Variants in ADGRL3 observed in about 807,000 individuals in gnomAD.
The protein encoded by ADGRL3 is calcium-independent alpha-latrotoxin receptor 3.
Under a neutral mutation model 153.5 loss-of-function variants are expected in ADGRL3, and 62 were observed. The ratio of observed to expected loss-of-function variants is 0.40; its 90% confidence interval spans 0.33 to 0.50. ADGRL3 has a LOEUF of 0.50. Ranked by LOEUF, ADGRL3 falls within the 20% of genes least tolerant of loss-of-function variation. The probability of loss-of-function intolerance (pLI) is 0.47; values close to 1 mark genes in which losing one functional copy is unlikely to be tolerated. For missense variants in ADGRL3, 1,641 were observed against 1,859.4 expected (o/e 0.88, Z 2.16); for synonymous variants, 710 against 672.5 (o/e 1.06, Z -0.86).
At chr4:61,851,667 T>G (rs1581146801) in intron 9 of ADGRL3, among the ~76,000 whole-genome samples, 2 of 151,926 alleles carry the variant, frequency 1.3e-5, no homozygotes, top group South Asian at 2.1e-4. Context: ...GGACAATTAC[T>G]GACGAACAAC....
intron 1 of ADGRL3, among the ~76,000 whole-genome samples, chr4:61,382,458 G>A (rs2096681306): frequency 6.6e-6 from 1 of 151,384 alleles, no homozygotes; most frequent in African/African-American, 2.4e-5. Context: ...ACTATTTTCT[G>A]GGTGTAAAAA....
chr4:61,733,056 T>A lies in ADGRL3; in HGVS notation c.901T>A (p.Leu301Met). ...CACCAGGAACATAGTAAAGTTTGATTTGCGGACTAGGATAAAGAGTGGAGA... is the reference window on the plus strand; with the variant it reads ...CACCAGGAACATAGTAAAGTTTGATATGCGGACTAGGATAAAGAGTGGAGA... ...ERTRNIVKFD[L>M]RTRIKSGEAI... The change falls in exon 8 of 27, where the codon TTG becomes ATG. Residue 301 changes from leucine to methionine, a missense_variant. By Grantham distance (15) the Leu-to-Met change is conservative. Around this residue, in one of 5 missense-constraint regions of ADGRL3, gnomAD observed 213 missense variants for 362.1 expected, o/e 0.59. Transcript: ENST00000683033. 2.5e-6 allele frequency: 4 copies of A among 1,613,656 alleles called. No homozygotes were observed. The highest frequency in any genetic ancestry group is 3.4e-6 in the Non-Finnish European group (4 of 1,179,802).
At chr4:61,230,753 A>G (rs753212658) in intron 1 of ADGRL3, among the ~76,000 whole-genome samples, 52 of 152,216 alleles carry the variant, frequency 3.4e-4, no homozygotes, top group Middle Eastern at 3.2e-3. Flanking sequence ...TGAGTTTTAT[A>G]GTAGTATAAC....
At chr4:61,400,543 T>A (rs1182996198) in intron 2 of ADGRL3, among the ~76,000 whole-genome samples, 1 of 151,870 alleles carries the variant, frequency 6.6e-6, no homozygotes, top group African/African-American at 2.4e-5. Flanking sequence ...TAACTGGCAA[T>A]GTGAGGCTAT....
intron 6 of ADGRL3, among the ~76,000 whole-genome samples, chr4:61,713,472 G>A (rs540294853): frequency 1.3e-4 from 19 of 151,708 alleles, no homozygotes; most frequent in Non-Finnish European, 2.2e-4. Context: ...TAAATTAATC[G>A]CCCTTGATCT....
chr4:62,014,536 C>T (rs1220518650), intron 21 of ADGRL3, among the ~76,000 whole-genome samples: 1 of 152,134 alleles, frequency 6.6e-6, no homozygotes, highest in Non-Finnish European at 1.5e-5. Flanking sequence ...TTACTATATT[C>T]ATGCAGTCAC....
At chr4:61,847,193 T>C (rs1440945733) in intron 9 of ADGRL3, among the ~76,000 whole-genome samples, 1 of 152,020 alleles carries the variant, frequency 6.6e-6, no homozygotes, top group Non-Finnish European at 1.5e-5. Context: ...TTAATAGCAC[T>C]ACAGTAAGTA....
chr4:61,917,345 A>G (rs2098749450), intron 13 of ADGRL3, among the ~76,000 whole-genome samples: 2 of 152,234 alleles, frequency 1.3e-5, no homozygotes, highest in South Asian at 2.1e-4. Flanking sequence ...ATTTTTTTCA[A>G]TCTCTTTTTT....
intron 1 of ADGRL3, among the ~76,000 whole-genome samples, chr4:61,267,813 G>A (rs1319078042): frequency 7.6e-6 from 1 of 131,318 alleles, no homozygotes; most frequent in Non-Finnish European, 1.6e-5. Context: ...TTAGGGTATG[G>A]AGAGTTTTAG....
In ADGRL3 at chr4:61,750,810, A is replaced by AAAAAAAAAAAAAAG. The variant is rs746270309; in HGVS notation, c.1399+17258_1399+17259insAAAAAAAAAAAGAA. Among the ~76,000 whole-genome samples, 18 of 147,152 alleles carry AAAAAAAAAAAAAAG rather than the reference A, an allele frequency of 1.2e-4. 1 individual carries two copies. Among genetic ancestry groups the AAAAAAAAAAAAAAG allele is most frequent in the African/African-American group, 4.0e-4 (15 of 37,720 alleles). On this transcript the variant is annotated intron_variant, in intron 8 of 26. Transcript: ENST00000683033. ...GTCTCAAAAAAGAAAAAAAAAAAAA[A>AAAAAAAAAAAAAAG]AAGTCAAAGCAGATAAGCTAAAGGA...
intron 13 of ADGRL3, 31 bp downstream of exon 13, chr4:61,912,788 G>A (rs374164420): frequency 1.1e-5 from 18 of 1,593,928 alleles, no homozygotes; most frequent in Non-Finnish European, 1.2e-5. Flanking sequence ...AATGTGTTAA[G>A]TTGTTGAATG....
At position 61,960,214 on chromosome 4, in the gene ADGRL3, G is replaced by A. The variant is rs114196960; in HGVS notation, c.2805+11938G>A. Among the ~76,000 whole-genome samples the A allele has an allele frequency of 9.9e-3, 1,509 of 152,138 alleles. 21 individuals carry two copies. Among genetic ancestry groups the A allele is most frequent in the African/African-American group, 0.034 (1,410 of 41,500 alleles). ...TATTCAAATTTGAAATTATGTATTT[G>A]CTAGTATGCTGTTTTATTGTTTACT... On this transcript the variant is annotated intron_variant, in intron 17 of 26. Transcript: ENST00000683033.
intron 6 of ADGRL3, among the ~76,000 whole-genome samples, chr4:61,686,327 T>G (rs1355305489): frequency 6.6e-6 from 1 of 152,096 alleles, no homozygotes; most frequent in Non-Finnish European, 1.5e-5. Flanking sequence ...TTGTGTGAGA[T>G]CTATGAAGTA....
At chr4:62,037,547 T>A (rs765113055) in intron 23 of ADGRL3, among the ~76,000 whole-genome samples, 184 bp from the exon 24 acceptor site, 6 of 152,150 alleles carry the variant, frequency 3.9e-5, no homozygotes, top group Non-Finnish European at 8.8e-5. Context: ...AGGCAAAATT[T>A]CAAGCTTGAC....
intron 1 of ADGRL3, among the ~76,000 whole-genome samples, chr4:61,327,701 A>G (rs984071583): frequency 2.0e-5 from 3 of 152,046 alleles, no homozygotes; most frequent in African/African-American, 7.2e-5. Flanking sequence ...TAATACAAAT[A>G]AAGAGATTGA....
intron 8 of ADGRL3, among the ~76,000 whole-genome samples, chr4:61,744,157 G>T (rs1007135450): frequency 6.6e-6 from 1 of 152,132 alleles, no homozygotes; most frequent in Non-Finnish European, 1.5e-5. Flanking sequence ...GCGAGGCTGG[G>T]GGAGGGGCAC....
chr4:61,702,106 G>C (rs1167988232), intron 6 of ADGRL3, among the ~76,000 whole-genome samples: 1 of 152,148 alleles, frequency 6.6e-6, no homozygotes, highest in Non-Finnish European at 1.5e-5. Flanking sequence ...GACTGAAGGG[G>C]ATTTAGATAT....
At chr4:61,445,776 A>G (rs1578899695) in intron 2 of ADGRL3, among the ~76,000 whole-genome samples, 1 of 152,312 alleles carries the variant, frequency 6.6e-6, no homozygotes, top group East Asian at 1.9e-4. Flanking sequence ...ATATATTGAC[A>G]TTTCAGTCAA....
intron 4 of ADGRL3, among the ~76,000 whole-genome samples, chr4:61,533,508 TAGTTTCACC>T (rs144044868): frequency 0.017 from 2,609 of 152,278 alleles, 76 homozygotes; most frequent in African/African-American, 0.059. Flanking sequence ...CTATTTTCAC[TAGTTTCACC>T]ATTACTTACC....
Sources: allele counts gnomAD v4.1 joint callset (sites outside exome capture counted in the v4.1 genomes callset), GRCh38; gene constraint gnomAD v4.1.1; regional missense constraint gnomAD v4.1.1; transcripts MANE v1.5; gene names NCBI Gene and HGNC (gene_info 2026-07-23, HGNC 2026-07-21).